The following NKAIN3 variants were observed in gnomAD, a reference collection of about 807,000 sequenced individuals.
The protein encoded by NKAIN3 is sodium/potassium-transporting ATPase subunit beta-1-interacting protein 3.
In NKAIN3, 25 loss-of-function variants were observed where a neutral mutation model predicts 30.2. That is an observed-to-expected ratio of 0.83 (90% CI 0.60 to 1.16). The LOEUF (loss-of-function observed/expected upper bound fraction) is 1.16. Among genes scored for constraint, NKAIN3 ranks in the 50% most tolerant of loss-of-function variants. NKAIN3 has a pLI of 0.00. For missense variants in NKAIN3, 225 were observed against 254.1 expected (o/e 0.89, Z 0.78); for synonymous variants, 91 against 89.6 (o/e 1.02, Z -0.09).
At chr8:62,353,965 G>A (rs1194335189) in intron 1 of NKAIN3, among the ~76,000 whole-genome samples, 1 of 152,196 alleles carries the variant, frequency 6.6e-6, no homozygotes, top group African/African-American at 2.4e-5. Context: ...AAGCGAGTGT[G>A]CATAAGGGAT....
chr8:62,670,920 C>CACAT (rs58361619), intron 3 of NKAIN3, among the ~76,000 whole-genome samples: 1 of 146,752 alleles, frequency 6.8e-6, no homozygotes, highest in Non-Finnish European at 1.5e-5. Context: ...CACACACACA[C>CACAT]GTATACACAG....
intron 4 of NKAIN3, among the ~76,000 whole-genome samples, chr8:62,859,118 G>A (rs1019637664): frequency 6.6e-6 from 1 of 152,156 alleles, no homozygotes; most frequent in Non-Finnish European, 1.5e-5. Context: ...AAGATCTGTG[G>A]GAGAAGCGTG....
At chr8:62,804,522 G>T (rs1269330606) in intron 4 of NKAIN3, among the ~76,000 whole-genome samples, 1 of 152,094 alleles carries the variant, frequency 6.6e-6, no homozygotes, top group African/African-American at 2.4e-5. Context: ...ATGTAATCCA[G>T]CATATAAACA....
Position 62,980,225 on chromosome 8 carries a change from C to T in NKAIN3, c.*14818C>T, listed in dbSNP as rs1824044257. The T allele has an allele frequency of 6.6e-6, 1 of 152,136 alleles. No individual in the cohort carries two copies. The highest frequency in any genetic ancestry group is 2.4e-5 in the African/African-American group (1 of 41,430). 9.4% of individuals were successfully genotyped at this position (152,136 alleles called of 1,614,324 possible). A position where few individuals can be genotyped will look rare whatever the true frequency, so the allele number is the denominator to read the frequency against. On this transcript the variant is annotated 3_prime_UTR_variant, in exon 7 of 7. Transcript: ENST00000623646. ...TCAGTCTCTTCTAAAAATTTTGTTC[C>T]TAAGGAATTGATTTTGCAAATCAGT...
chr8:62,660,125 T>G (rs1408191087), intron 3 of NKAIN3, among the ~76,000 whole-genome samples: 1 of 152,168 alleles, frequency 6.6e-6, no homozygotes, highest in East Asian at 1.9e-4. Context: ...GTTACCAACT[T>G]GGTTGGGGAG....
intron 4 of NKAIN3, among the ~76,000 whole-genome samples, chr8:62,861,191 A>G (rs1820228353): frequency 6.6e-6 from 1 of 152,208 alleles, no homozygotes; most frequent in African/African-American, 2.4e-5. Context: ...GGGGATCCTC[A>G]AAGTTCCACT....
intron 1 of NKAIN3, among the ~76,000 whole-genome samples, chr8:62,393,303 G>GT (rs932950476): frequency 2.6e-5 from 4 of 151,634 alleles, no homozygotes; most frequent in African/African-American, 9.7e-5. Context: ...AAGGGTCAAA[G>GT]TTTTTTTTCT....
intron 1 of NKAIN3, among the ~76,000 whole-genome samples, chr8:62,456,163 G>A (rs1007144949): frequency 3.3e-5 from 5 of 152,106 alleles, no homozygotes; most frequent in East Asian, 1.9e-4. Flanking sequence ...AGTTGGCCAC[G>A]AGTAACTAAA....
intron 6 of NKAIN3, among the ~76,000 whole-genome samples, chr8:62,962,870 T>C (rs1210007931): frequency 6.6e-6 from 1 of 152,190 alleles, no homozygotes; most frequent in Admixed American, 6.5e-5. Context: ...AGATTCATAA[T>C]ACTATTCTGT....
At chr8:62,929,464 CT>C (rs1822553041) in intron 5 of NKAIN3, among the ~76,000 whole-genome samples, 1 of 152,104 alleles carries the variant, frequency 6.6e-6, no homozygotes, top group African/African-American at 2.4e-5. Flanking sequence ...AAATCTGTTT[CT>C]TTTTTACTTA....
chr8:62,941,950 A>AT (rs1293881026), intron 5 of NKAIN3, among the ~76,000 whole-genome samples: 10 of 152,042 alleles, frequency 6.6e-5, no homozygotes, highest in African/African-American at 2.4e-4. Flanking sequence ...GGGCATCCAA[A>AT]TTAGTAAAGA....
chr8:62,556,659 G>C (rs1809400787), intron 1 of NKAIN3, among the ~76,000 whole-genome samples: 1 of 151,664 alleles, frequency 6.6e-6, no homozygotes, highest in Non-Finnish European at 1.5e-5. Context: ...AGCTATGCCA[G>C]ATATAATAGA....
intron 3 of NKAIN3, among the ~76,000 whole-genome samples, chr8:62,609,906 A>G (rs895201060): frequency 6.6e-6 from 1 of 152,120 alleles, no homozygotes; most frequent in African/African-American, 2.4e-5. Flanking sequence ...CGTGTAGGTC[A>G]TAACATGATT....
At position 62,729,024 on chromosome 8, in the gene NKAIN3, C is replaced by CA. The variant is rs71501600; in HGVS notation, c.274-17893dup. On this transcript the variant is annotated intron_variant, in intron 3 of 6. Coordinates refer to ENST00000623646, the MANE Select transcript of NKAIN3 (RefSeq NM_001304533.3). The stretch of plus-strand genomic sequence containing the variant: ...AAAAAACAAAACAAAACAAACAAAC[C>CA]AAAAAAAAAAAAAAACAAAAAAAAA... Among the ~76,000 whole-genome samples the CA allele has an allele frequency of 6.8e-3, 111 of 16,408 alleles. 4 individuals are homozygous for CA. The highest frequency in any genetic ancestry group is 0.055 in the East Asian group (50 of 914). The allele number at this position is 16,408 out of a possible 152,430, so 10.8% of individuals were successfully genotyped here.
intron 1 of NKAIN3, among the ~76,000 whole-genome samples, chr8:62,375,411 C>A (rs4257998): frequency 0.14 from 21,064 of 152,150 alleles, 1,745 homozygotes; most frequent in East Asian, 0.4. Context: ...GAACCACAGG[C>A]CATGACAATC....
chr8:62,798,346 C>T (rs573043327), intron 4 of NKAIN3, among the ~76,000 whole-genome samples: 33 of 152,044 alleles, frequency 2.2e-4, no homozygotes, highest in Middle Eastern at 3.4e-3. Context: ...CTGAGGTGGG[C>T]GGATCATGAG....
chr8:62,516,745 A>G (rs574528111), intron 1 of NKAIN3, among the ~76,000 whole-genome samples: 16 of 152,208 alleles, frequency 1.1e-4, no homozygotes, highest in South Asian at 1.0e-3. Context: ...AAATTTACTA[A>G]TTTTGTTGCT....
rs140659627 is a variant in NKAIN3, at chr8:62,491,134, CA to C, written c.55-88404del. On this transcript the variant is annotated intron_variant, in intron 1 of 6. Transcript: ENST00000623646. The stretch of plus-strand genomic sequence containing the variant: ...TATGGAAGGAGAAATAGTAAATACC[CA>C]GAAAAACTATCACATCAAACTTCCC... 8.1e-3 allele frequency among the ~76,000 whole-genome samples: 1,233 copies of C among 152,236 alleles called. 13 individuals carry two copies. The highest frequency in any genetic ancestry group is 0.027 in the African/African-American group (1,126 of 41,544).
At chr8:62,431,115 G>T (rs1370792126) in intron 1 of NKAIN3, among the ~76,000 whole-genome samples, 1 of 151,746 alleles carries the variant, frequency 6.6e-6, no homozygotes, top group Non-Finnish European at 1.5e-5. Context: ...ATATTACTTG[G>T]AAACCATTTT....
Sources: allele counts gnomAD v4.1 joint callset (sites outside exome capture counted in the v4.1 genomes callset), GRCh38; gene constraint gnomAD v4.1.1; transcripts MANE v1.5; gene names NCBI Gene and HGNC (gene_info 2026-07-23, HGNC 2026-07-21).